The following PCSK6 variants were observed in gnomAD, a reference collection of about 807,000 sequenced individuals.
PCSK6 encodes the protein proprotein convertase subtilisin/kexin type 6.
Under a neutral mutation model 123.3 loss-of-function variants are expected in PCSK6, and 85 were observed. The ratio of observed to expected loss-of-function variants is 0.69; its 90% CI spans 0.58 to 0.83. The LOEUF is 0.83. PCSK6 is among the 40% of genes least tolerant of loss of function. The pLI, the probability that PCSK6 is intolerant of heterozygous loss-of-function variation, is 0.00. For missense variants in PCSK6, 1,191 were observed against 1,282.3 expected (o/e 0.93, Z 1.09); for synonymous variants, 508 against 516.0 (o/e 0.98, Z 0.21).
At chr15:101,462,714 T>A (rs1162818157) in intron 1 of PCSK6, among the ~76,000 whole-genome samples, 1 of 152,058 alleles carries the variant, frequency 6.6e-6, no homozygotes, top group Non-Finnish European at 1.5e-5. Flanking sequence ...GAGAAAAAAA[T>A]AAAATAAAAT....
chr15:101,307,411 A>T, intron 20 of PCSK6, 86 bp from the exon 21 acceptor site: 1 of 901,848 alleles, frequency 1.1e-6, no homozygotes, highest in Non-Finnish European at 1.8e-6. Flanking sequence ...ACCTCCCTGC[A>T]CCTCCTTCCC....
chr15:101,373,307 C>T (rs571718537), intron 11 of PCSK6, among the ~76,000 whole-genome samples: 2 of 152,194 alleles, frequency 1.3e-5, no homozygotes, highest in Non-Finnish European at 2.9e-5. Flanking sequence ...TTACCTTCAC[C>T]TGGGGGCTAG....
intron 9 of PCSK6, among the ~76,000 whole-genome samples, chr15:101,385,412 G>C (rs2042031826): frequency 1.3e-5 from 2 of 152,130 alleles, no homozygotes; most frequent in Non-Finnish European, 2.9e-5. Flanking sequence ...ACCAGGAACG[G>C]GTTACATTGC....
chr15:101,475,836 A>C (rs2057717965), intron 1 of PCSK6, among the ~76,000 whole-genome samples: 1 of 152,112 alleles, frequency 6.6e-6, no homozygotes, highest in South Asian at 2.1e-4. Context: ...AAGCATATTA[A>C]AACAACCACC....
intron 13 of PCSK6, among the ~76,000 whole-genome samples, chr15:101,350,267 G>T (rs138371205): frequency 6.6e-6 from 1 of 152,168 alleles, no homozygotes; most frequent in East Asian, 1.9e-4. Flanking sequence ...CTGGTTATTT[G>T]TATGTTTTCT....
In PCSK6 at chr15:101,427,988, A is replaced by G. The variant is rs376766117; in HGVS notation, c.735-8T>C. 77 of 1,563,006 alleles carry G rather than the reference A, an allele frequency of 4.9e-5. No individual in the cohort carries two copies. Among genetic ancestry groups the G allele is most frequent in the Middle Eastern group, 1.7e-4 (1 of 6,020 alleles). On this transcript the variant is annotated splice_region_variant and splice_polypyrimidine_tract_variant and intron_variant, in intron 5 of 21. Transcript: ENST00000611716. ...GCACAACGAGTGCCGTGTCTGAAAC[A>G]AAGGAAAAAACCAAGTGAGGACGCA...
At chr15:101,360,063 A>C (rs2041167247) in intron 13 of PCSK6, among the ~76,000 whole-genome samples, 1 of 152,088 alleles carries the variant, frequency 6.6e-6, no homozygotes. Flanking sequence ...AAAAACTCTG[A>C]AGTCATCCAT....
chr15:101,338,281 G>T (rs1470159452), intron 13 of PCSK6, among the ~76,000 whole-genome samples: 1 of 152,184 alleles, frequency 6.6e-6, no homozygotes, highest in Non-Finnish European at 1.5e-5. Context: ...ACAGACTAAG[G>T]CAGAGACACA....
At chr15:101,447,620 G>C (rs2056924442) in intron 1 of PCSK6, among the ~76,000 whole-genome samples, 1 of 152,242 alleles carries the variant, frequency 6.6e-6, no homozygotes, top group Admixed American at 6.5e-5. Flanking sequence ...ACTCAGGAAG[G>C]GGGCGGCCTA....
intron 1 of PCSK6, among the ~76,000 whole-genome samples, chr15:101,458,827 T>G (rs539186071): frequency 1.3e-5 from 2 of 152,268 alleles, no homozygotes; most frequent in East Asian, 3.9e-4. Flanking sequence ...CAGGCTAAAT[T>G]TAGCAGTTTT....
At chr15:101,463,254 G>C (rs566854884) in intron 1 of PCSK6, among the ~76,000 whole-genome samples, 2 of 152,158 alleles carry the variant, frequency 1.3e-5, no homozygotes, top group East Asian at 3.9e-4. Context: ...GGCAGGTTGG[G>C]AGGAGGGTCG....
intron 2 of PCSK6, among the ~76,000 whole-genome samples, chr15:101,435,289 T>C (rs4965864): frequency 0.6 from 90,188 of 151,114 alleles, 28,139 homozygotes; most frequent in African/African-American, 0.79. Context: ...CCAGCCTGGG[T>C]GACAGAGTGA....
In PCSK6 at chr15:101,366,141, G is replaced by A. The variant is rs1188750988; in HGVS notation, c.1858+55C>T. The A allele has an allele frequency of 2.6e-6, 4 of 1,554,222 alleles. No individual in the cohort carries two copies. In the Admixed American group the frequency reaches 7.6e-5, roughly 29 times the overall value. Reference sequence around the variant, plus strand: ...CTCCGTAGTTAAATAAGGCCCAGAGGTAAAAAGAGGCTTGAGATACAAAAG... The same window carrying A: ...CTCCGTAGTTAAATAAGGCCCAGAGATAAAAAGAGGCTTGAGATACAAAAG... On this transcript the variant is annotated intron_variant, in intron 13 of 21. Coordinates refer to ENST00000611716, the MANE Select transcript of PCSK6 (RefSeq NM_002570.5).
At chr15:101,374,403 T>C (rs1050630064) in intron 11 of PCSK6, among the ~76,000 whole-genome samples, 4 of 152,178 alleles carry the variant, frequency 2.6e-5, no homozygotes, top group African/African-American at 9.7e-5. Flanking sequence ...CCTCAAGCTC[T>C]CCACTTTTCC....
chr15:101,483,787 G>A (rs1210735239), intron 1 of PCSK6, among the ~76,000 whole-genome samples: 2 of 152,208 alleles, frequency 1.3e-5, no homozygotes, highest in South Asian at 2.1e-4. Context: ...CTGTCCAAAC[G>A]CCCATGCGAC....
At chr15:101,335,778 G>A (rs1193550443) in intron 13 of PCSK6, among the ~76,000 whole-genome samples, 1 of 152,242 alleles carries the variant, frequency 6.6e-6, no homozygotes, top group Non-Finnish European at 1.5e-5. Flanking sequence ...GATACCTCCT[G>A]AGAAATGCAG....
At chr15:101,406,297 G>A (rs2042780157) in intron 6 of PCSK6, among the ~76,000 whole-genome samples, 1 of 152,188 alleles carries the variant, frequency 6.6e-6, no homozygotes, top group Non-Finnish European at 1.5e-5. Flanking sequence ...AGGAAGGCAG[G>A]GAGCGGGACA....
At chr15:101,412,691 T>TATATATATATATATATATATATA (rs2055731499) in intron 6 of PCSK6, among the ~76,000 whole-genome samples, 1 of 124,744 alleles carries the variant, frequency 8.0e-6, no homozygotes, top group African/African-American at 3.5e-5. Context: ...AACTGGAAAA[T>TATATATATATATATATATATATA]TATATATATA....
intron 12 of PCSK6, 37 bp downstream of exon 12, chr15:101,370,298 G>A (rs1240501968): frequency 1.4e-6 from 2 of 1,450,152 alleles, no homozygotes; most frequent in East Asian, 5.1e-5. Flanking sequence ...CAATCTCAGT[G>A]AGCCCAGACC....
Sources: gnomAD v4.1 joint callset for allele counts (sites outside exome capture counted in the v4.1 genomes callset) on GRCh38, gnomAD v4.1.1 for gene constraint, MANE v1.5 for transcripts, NCBI Gene and HGNC (gene_info 2026-07-23, HGNC 2026-07-21) for gene names.